TMED3: variants seen among roughly 807,000 people sequenced by gnomAD.
TMED3 encodes the protein transmembrane emp24 domain-containing protein 3.
Under a neutral mutation model 15.0 loss-of-function variants are expected in TMED3, and 9 were observed. That is an observed-to-expected ratio of 0.60 (90% CI 0.36 to 1.04). TMED3 has a LOEUF of 1.04. TMED3 is among the 50% of genes least tolerant of loss of function. The pLI is 0.01. For missense variants in TMED3, 267 were observed against 278.9 expected (o/e 0.96, Z 0.30); for synonymous variants, 117 against 121.4 (o/e 0.96, Z 0.24).
At chr15:79,402,532 C>T (rs1893847342) in intron 2 of TMED3, among the ~76,000 whole-genome samples, 2 of 152,192 alleles carry the variant, frequency 1.3e-5, no homozygotes, top group Admixed American at 6.5e-5. Context: ...GTAACCCCAA[C>T]ATTTTGGGAG....
chr15:79,324,694 T>C (rs1027778950), downstream of TMED3, among the ~76,000 whole-genome samples: 6 of 152,208 alleles, frequency 3.9e-5, no homozygotes, highest in African/African-American at 1.4e-4. Context: ...CAAGTTCTTT[T>C]AGGGGATATT....
chr15:79,332,538 T>G (rs1323928183), intron 2 of TMED3, among the ~76,000 whole-genome samples: 1 of 152,236 alleles, frequency 6.6e-6, no homozygotes, highest in Non-Finnish European at 1.5e-5. Flanking sequence ...AGGGCAACCC[T>G]CCAGCAATAG....
Position 79,319,474 on chromosome 15 carries a change from A to G in TMED3, c.418-2504A>G, listed in dbSNP as rs201845123. Reference sequence around the variant, plus strand: ...CTGTTTGTCTTCTGGAAGTGGTTTAATGTGAGAGAGAAACAAGGGTTTTGG... The same window carrying G: ...CTGTTTGTCTTCTGGAAGTGGTTTAGTGTGAGAGAGAAACAAGGGTTTTGG... On this transcript the variant is annotated intron_variant, in intron 2 of 2. Transcript: ENST00000299705. Among the ~76,000 whole-genome samples the G allele has an allele frequency of 7.2e-5, 11 of 152,306 alleles. No homozygotes were observed. In the East Asian group the frequency reaches 1.9e-3, roughly 27 times the overall value.
exon 3 of TMED3, chr15:79,411,674 A>G (rs1893982818): frequency 5.3e-6 from 3 of 568,754 alleles, no homozygotes; most frequent in Middle Eastern, 4.7e-4. Flanking sequence ...ACCTGCTCTC[A>G]CCACAGGCCT....
chr15:79,383,829 C>G (rs1372362386), intron 2 of TMED3: 1 of 152,208 alleles, frequency 6.6e-6, no homozygotes, highest in Non-Finnish European at 1.5e-5. Flanking sequence ...TATAAAGACA[C>G]TTTTGAAAGC....
intron 2 of TMED3, among the ~76,000 whole-genome samples, chr15:79,353,166 TATATACATAATATATAAA>T (rs2058900712): frequency 2.4e-5 from 2 of 83,462 alleles, no homozygotes; most frequent in Non-Finnish European, 4.2e-5. Flanking sequence ...TATATAAATA[TATATACATAATATATAAA>T]ATATATATAA....
intron 2 of TMED3, among the ~76,000 whole-genome samples, chr15:79,403,889 G>A (rs1893867677): frequency 6.6e-6 from 1 of 152,060 alleles, no homozygotes; most frequent in African/African-American, 2.4e-5. Context: ...TCTAGATATT[G>A]GGGACACTAT....
chr15:79,338,849 T>C (rs7163829), intron 2 of TMED3, among the ~76,000 whole-genome samples: 44,539 of 151,940 alleles, frequency 0.29, 6,626 homozygotes, highest in African/African-American at 0.34. Context: ...AGGCGGACCG[T>C]GGTCTAGCGG....
intron 2 of TMED3, among the ~76,000 whole-genome samples, chr15:79,319,491 G>T (rs1030611282): frequency 1.3e-5 from 2 of 152,186 alleles, no homozygotes; most frequent in African/African-American, 4.8e-5. Flanking sequence ...AGAGAAACAA[G>T]GGTTTTGGGG....
chr15:79,405,663 C>A (rs1273067857), intron 2 of TMED3, among the ~76,000 whole-genome samples: 9 of 152,204 alleles, frequency 5.9e-5, no homozygotes, highest in Non-Finnish European at 1.5e-5. Context: ...TGGCTTTTTT[C>A]TCCAATATTC....
Position 79,322,116 on chromosome 15 carries a change from G to A in TMED3, c.556G>A (p.Glu186Lys). The A allele has an allele frequency of 1.2e-6, 2 of 1,614,224 alleles. No individual in the cohort carries two copies. The highest frequency in any genetic ancestry group is 1.7e-5 in the Admixed American group (1 of 60,026). ...CCGAGTCTCTTACTGGTCTGTTGGC[G>A]AGACGATTGCCCTGTTCGTGGTCAG... The part of the protein sequence containing the change: ...NSRVSYWSVG[E>K]TIALFVVSFS... Residue 186 changes from glutamate (E) to lysine (K), a missense_variant, in exon 3 of 3, where the codon GAG becomes AAG. This residue lies in a region of TMED3 where 139 missense variants were observed against 125.0 expected (regional missense o/e 1.11). Coordinates refer to ENST00000299705, the MANE Select transcript of TMED3 (RefSeq NM_007364.4).
At chr15:79,413,021 C>G (rs773258918) in exon 3 of TMED3, 6 of 152,066 alleles carry the variant, frequency 3.9e-5, no homozygotes, top group Non-Finnish European at 8.8e-5. Context: ...ATAACACAAG[C>G]AAACCCTCAA....
chr15:79,373,528 A>G (rs546917998), intron 2 of TMED3, among the ~76,000 whole-genome samples: 30 of 146,644 alleles, frequency 2.0e-4, no homozygotes, highest in African/African-American at 7.6e-4. Context: ...CAGCATACAA[A>G]GCAAGAGACA....
intron 2 of TMED3, among the ~76,000 whole-genome samples, chr15:79,370,965 T>A (rs73473801): frequency 0.033 from 5,053 of 152,338 alleles, 267 homozygotes; most frequent in African/African-American, 0.11. Context: ...GTGAAAGGCA[T>A]CTGTAAAGTC....
rs2058711229 is a variant in TMED3 at position 79,311,223 on chromosome 15, G to C, written c.-27G>C. 6.4e-7 allele frequency: 1 copy of C among 1,572,542 alleles called. No homozygotes were observed. The highest frequency in any genetic ancestry group is 1.1e-5 in the South Asian group (1 of 87,340). ...GCCGGGGGCGCAGCGCCCGAGCCGC[G>C]GCCCTCGAGACGGGACCGAGAGCAT... On this transcript the variant is annotated 5_prime_UTR_variant, in exon 1 of 3. Coordinates refer to ENST00000299705, the MANE Select transcript of TMED3 (RefSeq NM_007364.4).
intron 2 of TMED3, among the ~76,000 whole-genome samples, chr15:79,398,240 C>T (rs943985813): frequency 3.3e-5 from 5 of 152,178 alleles, no homozygotes; most frequent in South Asian, 2.1e-4. Flanking sequence ...TTACACAGTA[C>T]GTAGCCTTTT....
In TMED3 at chr15:79,311,260, C is replaced by G. The variant is rs775070468; in HGVS notation, c.11C>G (p.Thr4Ser). The part of the protein sequence containing the change: MGS[T>S]VPRSASVLLL... ...GGGACCGAGAGCATCATGGGCAGCA[C>G]TGTCCCGCGCTCCGCCTCCGTGCTG... The change falls in exon 1 of 3, where the codon ACT becomes AGT. Residue 4 changes from threonine to serine, a missense_variant. Physicochemically the swap from Thr to Ser is moderately conservative, Grantham distance 58. Around this residue, in one of 3 missense-constraint regions of TMED3, gnomAD observed 59 missense variants for 47.0 expected, o/e 1.26. Transcript: ENST00000299705. The G allele has an allele frequency of 1.2e-6, 2 of 1,601,922 alleles. No homozygotes were observed. The highest frequency in any genetic ancestry group is 4.2e-4 in the Middle Eastern group (2 of 4,786).
chr15:79,373,734 A>G (rs1427586405), intron 2 of TMED3, among the ~76,000 whole-genome samples: 2 of 152,220 alleles, frequency 1.3e-5, no homozygotes, highest in African/African-American at 4.8e-5. Context: ...TAGTTGGGTT[A>G]CAGCTTGGTT....
intron 2 of TMED3, among the ~76,000 whole-genome samples, chr15:79,366,094 T>C (rs942358363): frequency 2.0e-5 from 3 of 152,160 alleles, no homozygotes; most frequent in Non-Finnish European, 2.9e-5. Flanking sequence ...AAGCTATAGG[T>C]CTGCCTTTCT....
Sources: allele counts gnomAD v4.1 joint callset (sites outside exome capture counted in the v4.1 genomes callset), GRCh38; gene constraint gnomAD v4.1.1; regional missense constraint gnomAD v4.1.1; transcripts MANE v1.5; gene names NCBI Gene and HGNC (gene_info 2026-07-23, HGNC 2026-07-21).